Variants in COG5 observed in about 807,000 individuals in gnomAD.
COG5 encodes the protein component of oligomeric golgi complex 5.
A neutral mutation model predicts 110.4 loss-of-function variants in COG5; 86 were observed. The observed-to-expected ratio is 0.78, with a 90% CI of 0.65 to 0.93. The LOEUF (loss-of-function observed/expected upper bound fraction) is 0.93, where lower values mean the gene tolerates loss of function less well. Ranked by LOEUF, COG5 falls within the 40% of genes least tolerant of loss-of-function variation. The probability of loss-of-function intolerance (pLI) is 0.00; values close to 1 mark genes in which losing one functional copy is unlikely to be tolerated. For missense variants in COG5, 1,077 were observed against 987.0 expected (o/e 1.09, Z -1.22); for synonymous variants, 360 against 334.6 (o/e 1.08, Z -0.83).
intron 6 of COG5, among the ~76,000 whole-genome samples, chr7:107,419,899 C>CA (rs1793157563): frequency 6.6e-6 from 1 of 152,042 alleles, no homozygotes; most frequent in Admixed American, 6.6e-5. Context: ...GGAAGATAAC[C>CA]AAAGCCTATT....
At chr7:107,399,674 C>T (rs1436271830) in intron 7 of COG5, among the ~76,000 whole-genome samples, 1 of 151,992 alleles carries the variant, frequency 6.6e-6, no homozygotes, top group Non-Finnish European at 1.5e-5. Flanking sequence ...GTGTGAAAAC[C>T]GACTAATTCA....
chr7:107,215,480 T>C (rs1414966803), intron 19 of COG5, among the ~76,000 whole-genome samples: 2 of 151,878 alleles, frequency 1.3e-5, no homozygotes, highest in African/African-American at 4.8e-5. Context: ...ATGCTGTGAA[T>C]GGGGAAACCC....
chr7:107,351,655 C>T (rs1428019890), intron 10 of COG5, among the ~76,000 whole-genome samples: 39 of 152,118 alleles, frequency 2.6e-4, no homozygotes, highest in Admixed American at 2.3e-3. Context: ...GCAAAGGATA[C>T]GAACAGACAC....
intron 10 of COG5, among the ~76,000 whole-genome samples, chr7:107,357,557 TGAG>T (rs1176791807): frequency 1.3e-5 from 2 of 152,224 alleles, no homozygotes; most frequent in Non-Finnish European, 2.9e-5. Context: ...TTTATTTTAA[TGAG>T]AAGTTTTTTA....
chr7:107,273,302 T>A (rs1371422976), intron 14 of COG5, among the ~76,000 whole-genome samples: 2 of 152,234 alleles, frequency 1.3e-5, no homozygotes, highest in Non-Finnish European at 2.9e-5. Flanking sequence ...GGTATATCTT[T>A]AATGTGATAT....
At chr7:107,539,318 G>A (rs148620684) in intron 5 of COG5, among the ~76,000 whole-genome samples, 1 of 152,160 alleles carries the variant, frequency 6.6e-6, no homozygotes, top group South Asian at 2.1e-4. Context: ...AGGACCTGCT[G>A]TATGTTCTTT....
intron 10 of COG5, among the ~76,000 whole-genome samples, chr7:107,349,704 C>A (rs919751721): frequency 6.6e-6 from 1 of 152,152 alleles, no homozygotes; most frequent in African/African-American, 2.4e-5. Flanking sequence ...ACTACAGGCG[C>A]CGGCCACCAC....
chr7:107,406,154 T>A (rs932731820), intron 7 of COG5, among the ~76,000 whole-genome samples: 1 of 152,188 alleles, frequency 6.6e-6, no homozygotes, highest in Non-Finnish European at 1.5e-5. Context: ...TATGATAATA[T>A]GATACATATG....
intron 8 of COG5, among the ~76,000 whole-genome samples, chr7:107,371,271 G>A (rs1006845936): frequency 5.9e-5 from 9 of 151,862 alleles, no homozygotes; most frequent in African/African-American, 1.2e-4. Flanking sequence ...TCAGTATTAC[G>A]TAAGGTCACA....
At position 107,203,634 on chromosome 7, in the gene COG5, A is replaced by G. The variant is rs1205778551; in HGVS notation, c.2376-4T>C. On this transcript the variant is annotated splice_polypyrimidine_tract_variant and splice_region_variant and intron_variant, in intron 21 of 21. Coordinates refer to ENST00000297135, the MANE Select transcript of COG5 (RefSeq NM_006348.5). ...AACATAAGCTTCCAGGGCTCCCCTG[A>G]AAACCAAAATGAAAACAATGTCAAA... The G allele has an allele frequency of 6.3e-7, 1 of 1,586,378 alleles. No individual in the cohort carries two copies. The highest frequency in any genetic ancestry group is 1.7e-5 in the Admixed American group (1 of 60,008).
chr7:107,556,640 C>T (rs960769184), intron 2 of COG5, among the ~76,000 whole-genome samples: 4 of 152,184 alleles, frequency 2.6e-5, no homozygotes, highest in African/African-American at 2.4e-5. Flanking sequence ...AAACAGGCCT[C>T]GCTTGCCTAC....
intron 10 of COG5, among the ~76,000 whole-genome samples, chr7:107,357,605 C>T (rs1812743626): frequency 6.6e-6 from 1 of 151,780 alleles, no homozygotes; most frequent in African/African-American, 2.4e-5. Flanking sequence ...AGCATATATC[C>T]CTATACCTAA....
chr7:107,390,142 T>C (rs1341660842), intron 7 of COG5, among the ~76,000 whole-genome samples: 2 of 152,224 alleles, frequency 1.3e-5, no homozygotes, highest in African/African-American at 4.8e-5. Context: ...TGACACGTGA[T>C]TGGCAAGATT....
chr7:107,392,535 G>T (rs1355458237), intron 7 of COG5, among the ~76,000 whole-genome samples: 1 of 151,908 alleles, frequency 6.6e-6, no homozygotes, highest in Non-Finnish European at 1.5e-5. Flanking sequence ...ATTAAAGAAA[G>T]GCCTATTTTT....
intron 6 of COG5, among the ~76,000 whole-genome samples, chr7:107,469,202 G>A (rs555442492): frequency 3.3e-5 from 5 of 151,398 alleles, no homozygotes; most frequent in South Asian, 2.1e-4. Flanking sequence ...CAATATTAGC[G>A]TGTAGCTACA....
intron 12 of COG5, among the ~76,000 whole-genome samples, chr7:107,296,579 CTCT>C (rs1443645960): frequency 2.4e-5 from 3 of 122,936 alleles, no homozygotes; most frequent in African/African-American, 9.9e-5. Context: ...GTCAAAACTA[CTCT>C]TTTTTTTTTT....
intron 11 of COG5, among the ~76,000 whole-genome samples, chr7:107,306,987 G>C (rs1220487060): frequency 6.6e-6 from 1 of 152,016 alleles, no homozygotes; most frequent in African/African-American, 2.4e-5. Context: ...CTTCCTCTTA[G>C]GATCAATAAA....
At chr7:107,351,784 T>A (rs981247893) in intron 10 of COG5, among the ~76,000 whole-genome samples, 1 of 150,122 alleles carries the variant, frequency 6.7e-6, no homozygotes, top group Non-Finnish European at 1.5e-5. Flanking sequence ...CCAGCTAGAA[T>A]GGCGATCATT....
chr7:107,374,500 C>T (rs1010350240), intron 7 of COG5, among the ~76,000 whole-genome samples: 5 of 152,006 alleles, frequency 3.3e-5, no homozygotes, highest in African/African-American at 9.7e-5. Context: ...GCTGAATGTA[C>T]GCTGTAAGAT....
Sources: gnomAD v4.1 joint callset for allele counts (sites outside exome capture counted in the v4.1 genomes callset) on GRCh38, gnomAD v4.1.1 for gene constraint, MANE v1.5 for transcripts, NCBI Gene and HGNC (gene_info 2026-07-23, HGNC 2026-07-21) for gene names.